Variants in GALNT13 observed in about 807,000 individuals in gnomAD.
GALNT13 encodes UDP-GalNAc:polypeptide N-acetylgalactosaminyltransferase 13.
Under a neutral mutation model 64.2 loss-of-function variants are expected in GALNT13, and 28 were observed. That is an observed-to-expected ratio of 0.44 (90% CI 0.32 to 0.60). GALNT13 has a LOEUF of 0.60. Among genes scored for constraint, GALNT13 ranks in the 20% least tolerant of loss-of-function variants. The pLI is 0.05. For missense variants in GALNT13, 577 were observed against 669.8 expected (o/e 0.86, Z 1.53); for synonymous variants, 214 against 224.6 (o/e 0.95, Z 0.42).
intron 9 of GALNT13, among the ~76,000 whole-genome samples, chr2:154,325,595 T>A: frequency 6.6e-6 from 1 of 152,128 alleles, no homozygotes; most frequent in East Asian, 1.9e-4. Flanking sequence ...TTTAACCTTT[T>A]TTCTTTTTTT....
At chr2:153,864,905 A>G in the GALNT13 span, among the ~76,000 whole-genome samples, 17 of 146,284 alleles carry the variant, frequency 1.2e-4, no homozygotes, top group African/African-American at 4.1e-4. Context: ...CCTGACTTCA[A>G]ACTATACTAC....
intron 9 of GALNT13, among the ~76,000 whole-genome samples, chr2:154,395,558 A>C (rs1228093780): frequency 3.3e-5 from 5 of 152,134 alleles, no homozygotes; most frequent in Non-Finnish European, 7.4e-5. Context: ...TATTCTATAT[A>C]AATTTCGTAT....
chr2:154,235,966 T>G (rs1689171043), intron 4 of GALNT13: 1 of 679,206 alleles, frequency 1.5e-6, no homozygotes, highest in Non-Finnish European at 2.2e-6. Flanking sequence ...GTTACAGACA[T>G]TGGAAATATG....
chr2:153,721,260 C>T, the GALNT13 span, among the ~76,000 whole-genome samples: 12 of 149,048 alleles, frequency 8.1e-5, no homozygotes, highest in Non-Finnish European at 1.8e-4. Flanking sequence ...CAAGCAATTG[C>T]TGAGAGATTT....
At chr2:153,490,641 C>G in the GALNT13 span, among the ~76,000 whole-genome samples, 1 of 152,136 alleles carries the variant, frequency 6.6e-6, no homozygotes, top group Non-Finnish European at 1.5e-5. Context: ...CCAAAATAAA[C>G]CACAAATCAG....
At position 154,083,822 on chromosome 2, in the gene GALNT13, T is replaced by C. The variant is rs566383024; in HGVS notation, c.143-56515T>C. 3.3e-5 allele frequency among the ~76,000 whole-genome samples: 5 copies of C among 151,896 alleles called. No individual in the cohort carries two copies. In the South Asian group the frequency reaches 1.0e-3, roughly 32 times the overall value. The stretch of plus-strand genomic sequence containing the variant: ...TCCTGCTGAAGTGAAGAAAGTGAAG[T>C]TTTAAAGAAAGTAATGGTTTGTGAA... On this transcript the variant is annotated intron_variant, in intron 3 of 12. Transcript: ENST00000392825.
the GALNT13 span, among the ~76,000 whole-genome samples, chr2:153,594,142 G>A: frequency 4.6e-5 from 7 of 152,042 alleles, no homozygotes; most frequent in East Asian, 1.2e-3. Context: ...TCAAATGAAT[G>A]TGAAAAACAT....
At chr2:154,171,265 G>A (rs1685329762) in intron 4 of GALNT13, among the ~76,000 whole-genome samples, 2 of 152,074 alleles carry the variant, frequency 1.3e-5, no homozygotes, top group South Asian at 2.1e-4. Context: ...TTATTTATGG[G>A]GAAGGATGGG....
At chr2:153,153,135 T>A in the GALNT13 span, among the ~76,000 whole-genome samples, 2 of 152,174 alleles carry the variant, frequency 1.3e-5, no homozygotes, top group East Asian at 3.9e-4. Context: ...TGGTTTTGAT[T>A]TGCATTTCTC....
chr2:153,672,770 G>T, the GALNT13 span, among the ~76,000 whole-genome samples: 1 of 143,252 alleles, frequency 7.0e-6, no homozygotes. Context: ...TCCAGGAGGT[G>T]TTTTTTTTTT....
chr2:153,250,703 A>C, the GALNT13 span, among the ~76,000 whole-genome samples: 1 of 152,218 alleles, frequency 6.6e-6, no homozygotes, highest in Non-Finnish European at 1.5e-5. Flanking sequence ...ATACAGCCAC[A>C]AAAAAGAATG....
At chr2:153,880,572 A>T (rs1422177863) in intron 1 of GALNT13, among the ~76,000 whole-genome samples, 1 of 152,108 alleles carries the variant, frequency 6.6e-6, no homozygotes, top group African/African-American at 2.4e-5. Flanking sequence ...TTCAAGACTC[A>T]CTACCATCTT....
At chr2:153,658,173 T>C in the GALNT13 span, among the ~76,000 whole-genome samples, 1 of 152,116 alleles carries the variant, frequency 6.6e-6, no homozygotes, top group Non-Finnish European at 1.5e-5. Flanking sequence ...TTATTGTACA[T>C]AAACCATTCA....
intron 3 of GALNT13, among the ~76,000 whole-genome samples, chr2:153,985,526 A>G (rs893372933): frequency 6.6e-6 from 1 of 151,898 alleles, no homozygotes; most frequent in African/African-American, 2.4e-5. Flanking sequence ...TTTTCATATC[A>G]TTTGTTCTAT....
At chr2:154,077,275 T>A (rs752919000) in intron 3 of GALNT13, among the ~76,000 whole-genome samples, 11 of 151,536 alleles carry the variant, frequency 7.3e-5, no homozygotes, top group Non-Finnish European at 1.5e-4. Flanking sequence ...TGCAAGTTTT[T>A]ATAGGTTTAC....
At chr2:153,478,173 G>C in the GALNT13 span, 1 of 1,342,298 alleles carries the variant, frequency 7.4e-7, no homozygotes, top group African/African-American at 1.4e-5. Context: ...GATAGTGAGG[G>C]GCACAGCCGG....
chr2:153,369,139 A>G, the GALNT13 span, among the ~76,000 whole-genome samples: 2 of 152,136 alleles, frequency 1.3e-5, no homozygotes, highest in Non-Finnish European at 2.9e-5. Context: ...TAAAAATACA[A>G]CCTATCAAAA....
At chr2:153,432,713 TG>T in the GALNT13 span, among the ~76,000 whole-genome samples, 3 of 151,666 alleles carry the variant, frequency 2.0e-5, no homozygotes, top group African/African-American at 4.8e-5. Context: ...AGTTTTTGGC[TG>T]GGGGGTGGGG....
At chr2:153,999,977 G>C (rs183891831) in intron 3 of GALNT13, among the ~76,000 whole-genome samples, 1 of 151,940 alleles carries the variant, frequency 6.6e-6, no homozygotes, top group Non-Finnish European at 1.5e-5. Flanking sequence ...GAGTCTTTCA[G>C]ACTGCCCCAA....
Sources: gnomAD v4.1 joint callset for allele counts (sites outside exome capture counted in the v4.1 genomes callset) on GRCh38, gnomAD v4.1.1 for gene constraint, MANE v1.5 for transcripts, NCBI Gene and HGNC (gene_info 2026-07-23, HGNC 2026-07-21) for gene names.